The following EML1 variants were observed in gnomAD, a reference collection of about 807,000 sequenced individuals.
The protein encoded by EML1 is EMAP like 1.
A neutral mutation model predicts 110.4 loss-of-function variants in EML1; 27 were observed. The ratio of observed to expected loss-of-function variants is 0.24; its 90% CI spans 0.18 to 0.34. The LOEUF is 0.34. Among genes scored for constraint, EML1 ranks in the 10% least tolerant of loss-of-function variants. The pLI is 1.00. For synonymous variants in EML1, 344 were observed against 385.8 expected, an observed-to-expected ratio of 0.89 and a Z score of 1.27; for missense variants, 741 against 1,030.9, an observed-to-expected ratio of 0.72 and a Z score of 3.85.
At chr14:99,843,206 G>T (rs774085226) in intron 1 of EML1, among the ~76,000 whole-genome samples, 2 of 152,110 alleles carry the variant, frequency 1.3e-5, no homozygotes, top group Non-Finnish European at 2.9e-5. Flanking sequence ...AGCTGTAATC[G>T]CACCACTGCA....
At chr14:99,903,969 AG>A (rs2059802625) in intron 9 of EML1, among the ~76,000 whole-genome samples, 1 of 151,904 alleles carries the variant, frequency 6.6e-6, no homozygotes, top group African/African-American at 2.4e-5. Flanking sequence ...TTTTTAGTAG[AG>A]ACGGGTTTCA....
At chr14:99,937,406 T>C (rs1257620941) in intron 19 of EML1, among the ~76,000 whole-genome samples, 1 of 152,006 alleles carries the variant, frequency 6.6e-6, no homozygotes, top group Non-Finnish European at 1.5e-5. Context: ...GTTTGACTGG[T>C]TTCAATAACC....
At chr14:99,758,760 G>A (rs915794512) in intron 1 of EML1, among the ~76,000 whole-genome samples, 2 of 152,174 alleles carry the variant, frequency 1.3e-5, no homozygotes, top group African/African-American at 2.4e-5. Context: ...GCACCGAGTC[G>A]CTCAGCCCTG....
At chr14:99,748,215 C>T (rs1215637047) in intron 1 of EML1, among the ~76,000 whole-genome samples, 1 of 152,000 alleles carries the variant, frequency 6.6e-6, no homozygotes, top group Non-Finnish European at 1.5e-5. Context: ...TGCCCGCAGC[C>T]CCAGGACAGC....
chr14:99,751,683 A>G (rs1373552102), intron 1 of EML1, among the ~76,000 whole-genome samples: 1 of 152,106 alleles, frequency 6.6e-6, no homozygotes, highest in Admixed American at 6.5e-5. Flanking sequence ...TTCTGAGAAA[A>G]GGGTGTTCCT....
upstream of EML1, among the ~76,000 whole-genome samples, chr14:99,791,691 A>C (rs2057674862): frequency 6.6e-6 from 1 of 152,154 alleles, no homozygotes; most frequent in African/African-American, 2.4e-5. Flanking sequence ...CTGTTCCAGC[A>C]ACAGGCCGCG....
chr14:99,744,982 A>C (rs1158516576), intron 1 of EML1, among the ~76,000 whole-genome samples: 1 of 152,104 alleles, frequency 6.6e-6, no homozygotes, highest in Non-Finnish European at 1.5e-5. Flanking sequence ...TGTTTTCTTC[A>C]CTCTAATACA....
intron 4 of EML1, among the ~76,000 whole-genome samples, chr14:99,883,910 A>G (rs1393201647): frequency 6.6e-6 from 1 of 152,252 alleles, no homozygotes; most frequent in African/African-American, 2.4e-5. Flanking sequence ...TAGGTGCTCA[A>G]CAAGCATTAG....
chr14:99,939,153 G>T lies in EML1; in HGVS notation c.2192-44G>T, dbSNP rs761761157. On this transcript the variant is annotated intron_variant, in intron 20 of 21. Coordinates refer to ENST00000262233, the MANE Select transcript of EML1 (RefSeq NM_004434.3). The surrounding 1 kb of genome is among the most constrained non-coding windows in gnomAD (Gnocchi z 4.2). ...CGCTTCCTGCGCCATGTGGCCCTGTGGCCCCTGGTGTTTCCAGCGCCCTGT... is the reference window on the plus strand; with the variant it reads ...CGCTTCCTGCGCCATGTGGCCCTGTTGCCCCTGGTGTTTCCAGCGCCCTGT... The T allele has an allele frequency of 6.2e-7, 1 of 1,607,114 alleles. No individual in the cohort carries two copies. Among genetic ancestry groups the T allele is most frequent in the Non-Finnish European group, 8.5e-7 (1 of 1,176,184 alleles).
At chr14:99,793,297 G>A (rs1273088787), upstream of EML1, 5 of 977,770 alleles carry the variant, frequency 5.1e-6, no homozygotes, top group Non-Finnish European at 6.1e-6. Flanking sequence ...CGGGCGCTGG[G>A]CTCGCGCGGC....
Position 99,784,275 on chromosome 14 carries a change from T to C in EML1, c.-27+10262T>C, listed in dbSNP as rs1168767815. Among the ~76,000 whole-genome samples the C allele has an allele frequency of 1.3e-5, 2 of 152,140 alleles. No individual in the cohort carries two copies. The highest frequency in any genetic ancestry group is 6.5e-5 in the Admixed American group (1 of 15,272). On this transcript the variant is annotated intron_variant, in intron 1 of 22. Transcript: ENST00000327921. The surrounding 1 kb of genome is among the most constrained non-coding windows in gnomAD (Gnocchi z 4.5). ...GCTTGGCTAATTTTTGTGTTTTGTATAGAAACAAGGTTTCACCATGTTGCC... is the reference window on the plus strand; with the variant it reads ...GCTTGGCTAATTTTTGTGTTTTGTACAGAAACAAGGTTTCACCATGTTGCC...
intron 1 of EML1, among the ~76,000 whole-genome samples, chr14:99,758,690 C>T (rs996462877): frequency 2.6e-5 from 4 of 152,150 alleles, no homozygotes; most frequent in African/African-American, 4.8e-5. Flanking sequence ...CATGAATATG[C>T]ACAGCGGGTC....
chr14:99,861,883 C>G (rs1160043887), intron 2 of EML1, among the ~76,000 whole-genome samples: 1 of 152,118 alleles, frequency 6.6e-6, no homozygotes, highest in Non-Finnish European at 1.5e-5. Context: ...ACCCAGTTTC[C>G]CCTGTTATTA....
chr14:99,737,886 G>A (rs1202922232), intron 1 of EML1: 11 of 1,287,462 alleles, frequency 8.5e-6, no homozygotes, highest in African/African-American at 7.6e-5. Flanking sequence ...ATATTTACCC[G>A]CTGTGGCTCC....
At chr14:99,857,280 AT>A (rs1230812715) in intron 2 of EML1, among the ~76,000 whole-genome samples, 15 of 135,582 alleles carry the variant, frequency 1.1e-4, no homozygotes, top group Non-Finnish European at 2.1e-4. Context: ...CAAAAAAAAA[AT>A]AAATAAATAA....
chr14:99,762,236 T>C (rs2057321984), intron 1 of EML1, among the ~76,000 whole-genome samples: 1 of 151,894 alleles, frequency 6.6e-6, no homozygotes, highest in Non-Finnish European at 1.5e-5. Flanking sequence ...AATCTAGTGT[T>C]TTTTTCATAA....
chr14:99,807,725 GGA>G (rs1316270319), intron 1 of EML1, among the ~76,000 whole-genome samples: 2 of 152,190 alleles, frequency 1.3e-5, no homozygotes, highest in Admixed American at 6.5e-5. Flanking sequence ...CCCACGCAGG[GGA>G]GAGAGGGTGG....
At chr14:99,759,654 C>T (rs934357850) in intron 1 of EML1, among the ~76,000 whole-genome samples, 2 of 152,234 alleles carry the variant, frequency 1.3e-5, no homozygotes, top group African/African-American at 4.8e-5. Flanking sequence ...AAGGGCTTGT[C>T]CTGGCAGCTC....
intron 2 of EML1, among the ~76,000 whole-genome samples, chr14:99,862,659 C>A (rs1263964189): frequency 6.6e-6 from 1 of 152,108 alleles, no homozygotes; most frequent in Non-Finnish European, 1.5e-5. Flanking sequence ...GGAGCTCTTT[C>A]AGTTAGGTTT....
Sources: gnomAD v4.1 joint callset for allele counts (sites outside exome capture counted in the v4.1 genomes callset) on GRCh38, gnomAD v4.1.1 for gene constraint, Gnocchi (gnomAD v3.1) non-coding constraint, MANE v1.5 for transcripts, NCBI Gene and HGNC (gene_info 2026-07-23, HGNC 2026-07-21) for gene names.